Variants in AGBL1 observed in about 807,000 individuals in gnomAD.
AGBL1 encodes the protein cytosolic carboxypeptidase 4.
A neutral mutation model predicts 118.9 loss-of-function variants in AGBL1; 130 were observed. That is an observed-to-expected ratio of 1.09 (90% CI 0.95 to 1.26). AGBL1 has a LOEUF of 1.26. Among genes scored for constraint, AGBL1 ranks in the 50% most tolerant of loss-of-function variants. The probability of loss-of-function intolerance (pLI) is 0.00; values close to 1 mark genes in which losing one functional copy is unlikely to be tolerated. For missense variants in AGBL1, 1,584 were observed against 1,298.1 expected (o/e 1.22, Z -3.38); for synonymous variants, 555 against 478.9 (o/e 1.16, Z -2.08).
At chr15:86,277,154 T>C (rs1307464921) in intron 15 of AGBL1, among the ~76,000 whole-genome samples, 2 of 151,884 alleles carry the variant, frequency 1.3e-5, no homozygotes, top group African/African-American at 2.4e-5. Context: ...AAGATTTTTT[T>C]TTTTTTTTTG....
chr15:86,918,426 T>C (rs2080450934), downstream of AGBL1, among the ~76,000 whole-genome samples: 1 of 152,106 alleles, frequency 6.6e-6, no homozygotes, highest in Non-Finnish European at 1.5e-5. Flanking sequence ...CTCCCTTCAT[T>C]TTTCCCTTGA....
At chr15:86,821,911 A>G (rs1471014333) in intron 22 of AGBL1, among the ~76,000 whole-genome samples, 2 of 152,088 alleles carry the variant, frequency 1.3e-5, no homozygotes, top group African/African-American at 2.4e-5. Flanking sequence ...GATTTAACCA[A>G]TATCGCATGG....
intron 22 of AGBL1, among the ~76,000 whole-genome samples, chr15:86,725,499 C>T (rs1008616879): frequency 1.8e-4 from 27 of 152,198 alleles, no homozygotes; most frequent in African/African-American, 6.0e-4. Context: ...CCAGGCTTAG[C>T]TGAAAAGTTG....
chr15:86,878,483 A>G (rs368686501), intron 22 of AGBL1, among the ~76,000 whole-genome samples: 50 of 152,086 alleles, frequency 3.3e-4, no homozygotes, highest in African/African-American at 1.2e-3. Flanking sequence ...CTATCCATCA[A>G]GCTTCTTGTT....
intron 22 of AGBL1, among the ~76,000 whole-genome samples, chr15:86,799,376 GC>G (rs2078618909): frequency 6.6e-6 from 1 of 152,078 alleles, no homozygotes; most frequent in African/African-American, 2.4e-5. Context: ...AAATGCATGA[GC>G]ACACAGAAAT....
rs75932998 is a variant in AGBL1 at position 86,088,961 on chromosome 15, A to G, written c.51+8938A>G. ...TGCTTACTCTTTTTCCATACTACCT[A>G]AAGCACTGTCTGGTACATGGTAGGT... On this transcript the variant is annotated intron_variant, in intron 1 of 22. Transcript: ENST00000614907. 7.2e-3 allele frequency among the ~76,000 whole-genome samples: 1,091 copies of G among 152,248 alleles called. 16 individuals are homozygous for G. Among genetic ancestry groups the G allele is most frequent in the African/African-American group, 0.025 (1,054 of 41,516 alleles).
chr15:86,350,589 G>T (rs919082824), intron 17 of AGBL1, among the ~76,000 whole-genome samples: 1 of 152,162 alleles, frequency 6.6e-6, no homozygotes, highest in African/African-American at 2.4e-5. Flanking sequence ...TGGTCTCCAG[G>T]ATTTGCCTGT....
intron 21 of AGBL1, among the ~76,000 whole-genome samples, chr15:86,624,285 G>C (rs770231658): frequency 4.6e-5 from 7 of 152,204 alleles, no homozygotes; most frequent in Non-Finnish European, 8.8e-5. Flanking sequence ...AAAAGTATGA[G>C]TCTAGCTGAT....
chr15:86,507,893 A>G (rs1055351513), intron 18 of AGBL1, among the ~76,000 whole-genome samples: 3 of 152,078 alleles, frequency 2.0e-5, no homozygotes, highest in Non-Finnish European at 4.4e-5. Context: ...AAAGATGACT[A>G]TAAGGTATTT....
At chr15:86,218,214 C>T (rs1242508913) in intron 5 of AGBL1, among the ~76,000 whole-genome samples, 1 of 152,114 alleles carries the variant, frequency 6.6e-6, no homozygotes, top group Non-Finnish European at 1.5e-5. Flanking sequence ...GAATGGACAA[C>T]TTAAGAGCTC....
intron 16 of AGBL1, among the ~76,000 whole-genome samples, chr15:86,292,951 A>T (rs531974027): frequency 2.0e-5 from 3 of 152,288 alleles, no homozygotes; most frequent in Admixed American, 1.3e-4. Context: ...TGTGTGGGTA[A>T]ATGATTTTGG....
intron 6 of AGBL1, among the ~76,000 whole-genome samples, chr15:86,238,240 G>T (rs80120152): frequency 6.5e-4 from 99 of 152,336 alleles, no homozygotes; most frequent in African/African-American, 2.4e-3. Flanking sequence ...CTGTGGGACT[G>T]CAAACCCCAT....
intron 6 of AGBL1, 81 bp downstream of exon 6, chr15:86,225,032 T>A: frequency 7.5e-7 from 1 of 1,327,020 alleles, no homozygotes; most frequent in Non-Finnish European, 1.0e-6. Context: ...CATGGCTGTT[T>A]CTTTTTTTTT....
chr15:86,169,312 C>T (rs986183112), intron 5 of AGBL1, among the ~76,000 whole-genome samples: 6 of 152,146 alleles, frequency 3.9e-5, no homozygotes, highest in African/African-American at 1.4e-4. Flanking sequence ...GGAAATTAGC[C>T]AAAGCCAAGG....
At chr15:86,581,536 G>A (rs1457902713) in intron 21 of AGBL1, among the ~76,000 whole-genome samples, 1 of 152,088 alleles carries the variant, frequency 6.6e-6, no homozygotes, top group African/African-American at 2.4e-5. Flanking sequence ...CTTCCAAATT[G>A]GATCATCATT....
rs533000694 is a variant in AGBL1, at chr15:86,410,141, A to G, written c.2555+12595A>G. On this transcript the variant is annotated intron_variant, in intron 18 of 22. Transcript: ENST00000614907. ...ATACATGGCTTCCTAAAATACATGAAAGCCTATAATGGGAAAATAGGAAGC... is the reference window on the plus strand; with the variant it reads ...ATACATGGCTTCCTAAAATACATGAGAGCCTATAATGGGAAAATAGGAAGC... Among the ~76,000 whole-genome samples, 4 of 152,258 alleles carry G rather than the reference A, an allele frequency of 2.6e-5. No homozygotes were observed. In the East Asian group the frequency reaches 5.8e-4, roughly 22 times the overall value.
At chr15:86,734,830 C>A (rs150786132) in intron 22 of AGBL1, among the ~76,000 whole-genome samples, 544 of 152,164 alleles carry the variant, frequency 3.6e-3, no homozygotes, top group Non-Finnish European at 5.7e-3. Flanking sequence ...AAAGAGCAAG[C>A]CTTTCCTTAC....
chr15:86,262,332 C>T (rs916367625), intron 9 of AGBL1, among the ~76,000 whole-genome samples: 16 of 151,954 alleles, frequency 1.1e-4, no homozygotes, highest in Middle Eastern at 3.4e-3. Context: ...CCATTGTGAC[C>T]GAAACTTCAG....
intron 5 of AGBL1, among the ~76,000 whole-genome samples, chr15:86,198,218 C>T (rs1174895187): frequency 6.6e-6 from 1 of 152,198 alleles, no homozygotes; most frequent in Non-Finnish European, 1.5e-5. Context: ...AATGGGAATG[C>T]CTGTCTTATA....
Sources: gnomAD v4.1 joint callset for allele counts (sites outside exome capture counted in the v4.1 genomes callset) on GRCh38, gnomAD v4.1.1 for gene constraint, MANE v1.5 for transcripts, NCBI Gene and HGNC (gene_info 2026-07-23, HGNC 2026-07-21) for gene names.